ABCB5: variants seen among roughly 807,000 people sequenced by gnomAD.
ABCB5 encodes ATP binding cassette subfamily B member 5.
In ABCB5, 155 loss-of-function variants were observed where a neutral mutation model predicts 144.2. The observed-to-expected ratio is 1.08, with a 90% CI of 0.94 to 1.23. ABCB5 has a LOEUF of 1.23. Among genes scored for constraint, ABCB5 ranks in the 50% most tolerant of loss-of-function variants. The pLI, the probability that ABCB5 is intolerant of heterozygous loss-of-function variation, is 0.00. For missense variants in ABCB5, 1,830 were observed against 1,520.8 expected (o/e 1.20, Z -3.38); for synonymous variants, 610 against 528.6 (o/e 1.15, Z -2.11).
intron 4 of ABCB5, 46 bp downstream of exon 4, chr7:20,628,884 T>C (rs1038085382): frequency 1.3e-6 from 2 of 1,597,126 alleles, no homozygotes; most frequent in African/African-American, 1.3e-5. Context: ...CACAAAAGCA[T>C]TGAATAAAGC....
rs771254140 is a variant in ABCB5 at position 20,658,663 on chromosome 7, C to T, written c.1694C>T (p.Ala565Val). The T allele has an allele frequency of 4.3e-6, 7 of 1,613,944 alleles. No individual in the cohort carries two copies. The highest frequency in any genetic ancestry group is 5.1e-6 in the Non-Finnish European group (6 of 1,179,988). ...TCAGAAAGCAAGTCAGCTGTTCAAG[C>T]TGCACTGGAGAAGGTAAGTGAGCAG... ...LDSESKSAVQ[A>V]ALEKASKGRT... The change falls in exon 14 of 28, where the codon GCT becomes GTT. Residue 565 changes from alanine to valine, a missense_variant. Transcript: ENST00000404938.
chr7:20,717,326 T>A (rs574072741), intron 20 of ABCB5, among the ~76,000 whole-genome samples: 7 of 152,210 alleles, frequency 4.6e-5, no homozygotes, highest in African/African-American at 1.4e-4. Context: ...GAACAAGATG[T>A]CCGCACGATT....
chr7:20,694,409 A>T (rs1786337426), intron 16 of ABCB5, among the ~76,000 whole-genome samples: 1 of 152,102 alleles, frequency 6.6e-6, no homozygotes, highest in South Asian at 2.1e-4. Flanking sequence ...CATTTGATAA[A>T]ATACCCCATC....
chr7:20,722,972 T>A, intron 20 of ABCB5, 44 bp from the exon 21 acceptor site: 2 of 1,569,026 alleles, frequency 1.3e-6, no homozygotes, highest in Non-Finnish European at 1.8e-6. Flanking sequence ...CTTGTAAATG[T>A]AAAGTTAATT....
intron 4 of ABCB5, among the ~76,000 whole-genome samples, chr7:20,631,507 T>C (rs17804960): frequency 0.11 from 16,100 of 152,174 alleles, 1,124 homozygotes; most frequent in Non-Finnish European, 0.15. Flanking sequence ...AGGACTTTGG[T>C]ATATTAATCA....
At chr7:20,725,954 T>G (rs1782022619) in intron 21 of ABCB5, among the ~76,000 whole-genome samples, 1 of 152,198 alleles carries the variant, frequency 6.6e-6, no homozygotes. Context: ...ACAACCCAAG[T>G]TATTCTTCAG....
At chr7:20,720,553 T>C (rs1012877035) in intron 20 of ABCB5, among the ~76,000 whole-genome samples, 1 of 152,084 alleles carries the variant, frequency 6.6e-6, no homozygotes, top group Non-Finnish European at 1.5e-5. Context: ...ATAATTTGAA[T>C]CTAATTGTGA....
chr7:20,657,122 T>C (rs1784830403), intron 13 of ABCB5, among the ~76,000 whole-genome samples: 1 of 152,012 alleles, frequency 6.6e-6, no homozygotes, highest in South Asian at 2.1e-4. Context: ...TTGCCCAGGC[T>C]GGTGTCAAAC....
intron 16 of ABCB5, among the ~76,000 whole-genome samples, chr7:20,687,649 C>G (rs1786045690): frequency 1.3e-5 from 2 of 152,176 alleles, no homozygotes; most frequent in South Asian, 2.1e-4. Context: ...AGGAGTGACT[C>G]AATGGCCATA....
rs750922677 is a variant in ABCB5, at chr7:20,650,063, A to T, written c.1248A>T (p.Thr416=). 6.2e-7 allele frequency: 1 copy of T among 1,613,546 alleles called. No homozygotes were observed. The highest frequency in any genetic ancestry group is 8.5e-7 in the Non-Finnish European group (1 of 1,179,622). ...ATCTCAGAATTAAGTCTGGAGAGACAGTCGCCTTGGTCGGTCTCAATGGCA... is the reference window on the plus strand; with the variant it reads ...ATCTCAGAATTAAGTCTGGAGAGACTGTCGCCTTGGTCGGTCTCAATGGCA... ...GLNLRIKSGE[T]VALVGLNGSG... Residue 416 remains threonine, a synonymous_variant, in exon 12 of 28, where the codon ACA becomes ACT. Transcript: ENST00000404938.
chr7:20,731,369 A>AAAAAAAATATATATATATAT (rs57305244), intron 23 of ABCB5, among the ~76,000 whole-genome samples: 4 of 123,074 alleles, frequency 3.3e-5, no homozygotes, highest in African/African-American at 1.3e-4. Context: ...AAAAAAAAAA[A>AAAAAAAATATATATATATAT]ATATATATAT....
At chr7:20,701,819 C>T (rs1430975762) in intron 19 of ABCB5, among the ~76,000 whole-genome samples, 3 of 152,188 alleles carry the variant, frequency 2.0e-5, no homozygotes, top group Admixed American at 2.0e-4. Flanking sequence ...CTTCTTCATC[C>T]TTCAGCACTC....
chr7:20,739,520 G>C (rs577309624), intron 24 of ABCB5, among the ~76,000 whole-genome samples: 1 of 152,104 alleles, frequency 6.6e-6, no homozygotes, highest in Non-Finnish European at 1.5e-5. Context: ...CTGCAAACGG[G>C]GAAAAGGGGT....
chr7:20,710,628 C>A lies in ABCB5; in HGVS notation c.2421+5821C>A, dbSNP rs559399803. ...AAATCCACAAAAGAACTTCAAGTGGCATTTTACAAAAGAAGAAATCCATGT... is the reference window on the plus strand; with the variant it reads ...AAATCCACAAAAGAACTTCAAGTGGAATTTTACAAAAGAAGAAATCCATGT... On this transcript the variant is annotated intron_variant, in intron 20 of 27. Transcript: ENST00000404938. Among the ~76,000 whole-genome samples, 414 of 149,792 alleles carry A rather than the reference C, an allele frequency of 2.8e-3. 23 individuals carry two copies. The highest frequency in any genetic ancestry group is 4.9e-3 in the Non-Finnish European group (328 of 67,322).
intron 16 of ABCB5, among the ~76,000 whole-genome samples, chr7:20,690,400 A>G (rs1325411964): frequency 6.6e-6 from 1 of 152,214 alleles, no homozygotes; most frequent in Admixed American, 6.5e-5. Context: ...TTTCAATGGA[A>G]TTGGCTTTCT....
rs1785834730 is a variant in ABCB5 at position 20,681,643 on chromosome 7, T to C, written c.1846T>C (p.Tyr616His). Residue 616 changes from tyrosine (Y) to histidine (H), a missense_variant, in exon 15 of 28, where the codon TAT (tyrosine) becomes CAT (histidine). Coordinates refer to ENST00000404938, the MANE Select transcript of ABCB5 (RefSeq NM_001163941.2). Reference sequence around the variant, plus strand: ...TGAACTAATGGCAAAACGAGGTCTATATTATTCACTTGTGATGTCACAGGT... The same window carrying C: ...TGAACTAATGGCAAAACGAGGTCTACATTATTCACTTGTGATGTCACAGGT... ...HAELMAKRGL[Y>H]YSLVMSQDIK... is the part of the protein sequence containing the mutation. 1 of 1,614,134 alleles carries C rather than the reference T, an allele frequency of 6.2e-7. No homozygotes were observed. The highest frequency in any genetic ancestry group is 1.1e-5 in the South Asian group (1 of 91,074).
chr7:20,706,142 A>G (rs1038916331), intron 20 of ABCB5, among the ~76,000 whole-genome samples: 3 of 152,188 alleles, frequency 2.0e-5, no homozygotes, highest in Non-Finnish European at 2.9e-5. Flanking sequence ...AATAATGGGT[A>G]TAGCATTAAC....
At chr7:20,657,952 G>T (rs1308512639) in intron 13 of ABCB5, among the ~76,000 whole-genome samples, 1 of 152,106 alleles carries the variant, frequency 6.6e-6, no homozygotes, top group Non-Finnish European at 1.5e-5. Context: ...AAATATGGAA[G>T]ACAAAATATC....
At chr7:20,699,669 T>G (rs1001493118) in intron 17 of ABCB5, among the ~76,000 whole-genome samples, 156 bp from the exon 18 acceptor site, 1 of 151,480 alleles carries the variant, frequency 6.6e-6, no homozygotes, top group Non-Finnish European at 1.5e-5. Flanking sequence ...ATCGCAACAC[T>G]GCACTCCAGC....
Sources: gnomAD v4.1 joint callset for allele counts (sites outside exome capture counted in the v4.1 genomes callset) on GRCh38, gnomAD v4.1.1 for gene constraint, MANE v1.5 for transcripts, NCBI Gene and HGNC (gene_info 2026-07-23, HGNC 2026-07-21) for gene names.